TTC7A: variants seen among roughly 807,000 people sequenced by gnomAD.
TTC7A encodes the protein tetratricopeptide repeat domain 7A.
Under a neutral mutation model 103.7 loss-of-function variants are expected in TTC7A, and 110 were observed. The observed-to-expected ratio is 1.06, with a 90% confidence interval of 0.91 to 1.24. The LOEUF (loss-of-function observed/expected upper bound fraction) is 1.24, where lower values mean the gene tolerates loss of function less well. TTC7A is among the 50% of genes most tolerant of loss of function. The probability of loss-of-function intolerance (pLI) is 0.00; values close to 1 mark genes in which losing one functional copy is unlikely to be tolerated. For synonymous variants in TTC7A, 521 were observed against 467.9 expected, an observed-to-expected ratio of 1.11 and a Z score of -1.47; for missense variants, 1,340 against 1,116.3, an observed-to-expected ratio of 1.20 and a Z score of -2.86.
chr2:46,972,689 C>T (rs1246374292), intron 3 of TTC7A, among the ~76,000 whole-genome samples: 1 of 152,220 alleles, frequency 6.6e-6, no homozygotes, highest in Non-Finnish European at 1.5e-5. Flanking sequence ...AAGTGGGTGT[C>T]CCCTGCAGGC....
intron 18 of TTC7A, among the ~76,000 whole-genome samples, chr2:47,058,583 G>A (rs1335822528): frequency 2.0e-5 from 3 of 152,192 alleles, no homozygotes; most frequent in African/African-American, 7.2e-5. Flanking sequence ...CTTTTGCTAG[G>A]CAGGGTTCTT....
At position 47,061,774 on chromosome 2, in the gene TTC7A, T is replaced by G. The variant is rs559513619; in HGVS notation, c.2355+803T>G. Among the ~76,000 whole-genome samples the G allele has an allele frequency of 1.1e-4, 16 of 152,322 alleles. No homozygotes were observed. The South Asian group carries it at 3.3e-3, about 32-fold the overall frequency. On this transcript the variant is annotated intron_variant, in intron 19 of 19. Coordinates refer to ENST00000319190, the MANE Select transcript of TTC7A (RefSeq NM_020458.4). ...AGGTGATATACTAGACCCTATAGAT[T>G]ATCATTTTTTCCTGCTTTCCTTTGC...
rs1671311316 is a variant in TTC7A at position 46,950,501 on chromosome 2, G to A, written c.323G>A (p.Ser108Asn). Residue 108 changes from serine (S) to asparagine (N), a missense_variant, in exon 2 of 20, where the codon AGT (serine) becomes AAT (asparagine). By Grantham distance (46) the Ser-to-Asn change is conservative. Coordinates refer to ENST00000319190, the MANE Select transcript of TTC7A (RefSeq NM_020458.4). The part of the protein sequence containing the change: ...KMSEAKNYLS[S>N]ILNHGRLSPQ... ...AGCGAAGCCAAAAATTATCTAAGCA[G>A]TATCCTTAACCATGGGAGGCTCTCG... The A allele has an allele frequency of 5.0e-6, 8 of 1,614,166 alleles. No homozygotes were observed. Among genetic ancestry groups the A allele is most frequent in the Non-Finnish European group, 6.8e-6 (8 of 1,180,032 alleles).
At chr2:46,944,374 G>GTTTTTTTGTTTTTT (rs1670735530) in intron 1 of TTC7A, among the ~76,000 whole-genome samples, 1 of 88,944 alleles carries the variant, frequency 1.1e-5, no homozygotes, top group African/African-American at 4.5e-5. Flanking sequence ...GGTATTTTGG[G>GTTTTTTTGTTTTTT]TTTTTTTTTT....
intron 18 of TTC7A, among the ~76,000 whole-genome samples, chr2:47,059,323 T>A (rs551363886): frequency 6.6e-6 from 1 of 152,138 alleles, no homozygotes; most frequent in South Asian, 2.1e-4. Flanking sequence ...CCCAGCCACC[T>A]GCATTTTTTA....
intron 11 of TTC7A, among the ~76,000 whole-genome samples, chr2:47,013,977 C>G (rs1678349973): frequency 6.6e-6 from 1 of 152,164 alleles, no homozygotes; most frequent in Admixed American, 6.5e-5. Context: ...AAGCTTCACC[C>G]CCTGCACCTC....
At position 47,060,755 on chromosome 2, in the gene TTC7A, T is replaced by C. The variant is rs371981287; in HGVS notation, c.2153-14T>C. ...CCACCACTCACACCTCCCACTGCCC[T>C]TCTGCTTTTGCAGCTGAGCTGTTCA... On this transcript the variant is annotated splice_polypyrimidine_tract_variant and intron_variant, in intron 18 of 19. Transcript: ENST00000319190. 27 of 1,585,688 alleles carry C rather than the reference T, an allele frequency of 1.7e-5. No homozygotes were observed. The highest frequency in any genetic ancestry group is 2.7e-5 in the African/African-American group (2 of 74,552).
chr2:46,933,931 A>C (rs1008091080), intron 2 of TTC7A, among the ~76,000 whole-genome samples: 6 of 152,182 alleles, frequency 3.9e-5, no homozygotes, highest in Admixed American at 3.3e-4. Context: ...AAGAGGCCAG[A>C]GTGGAAGGTG....
rs143868218 is a variant in TTC7A at position 47,016,920 on chromosome 2, C to T, written c.1393-4942C>T. Among the ~76,000 whole-genome samples, 26 of 152,142 alleles carry T rather than the reference C, an allele frequency of 1.7e-4. No individual in the cohort carries two copies. The East Asian group carries it at 3.1e-3, about 18-fold the overall frequency. ...AACTCTTAAAAAAAAAATTTGAGGC[C>T]GGGCAAGGTGGCTCACACCTGTAAT... is the stretch of plus-strand genomic sequence containing the variant. On this transcript the variant is annotated intron_variant, in intron 11 of 19. Transcript: ENST00000319190.
chr2:47,063,613 G>A lies in TTC7A; in HGVS notation c.2355+2642G>A, dbSNP rs918303844. Among the ~76,000 whole-genome samples, 3 of 152,234 alleles carry A rather than the reference G, an allele frequency of 2.0e-5. No individual in the cohort carries two copies. The East Asian group carries it at 5.8e-4, about 29-fold the overall frequency. Reference sequence around the variant, plus strand: ...CAGCCTTAGATAATTACCAAGAGAGGAATGTGGAAGGTATCCCTGCTGTGG... The same window carrying A: ...CAGCCTTAGATAATTACCAAGAGAGAAATGTGGAAGGTATCCCTGCTGTGG... On this transcript the variant is annotated intron_variant, in intron 19 of 19. Coordinates refer to ENST00000319190, the MANE Select transcript of TTC7A (RefSeq NM_020458.4).
rs1201651576 is a variant in TTC7A, at chr2:47,060,505, A to G, written c.2153-264A>G. Reference sequence around the variant, plus strand: ...CAAACAAACAAAAAATGCTTGTTCTACAGGGTTTTTGTGAGCATTAACTGG... The same window carrying G: ...CAAACAAACAAAAAATGCTTGTTCTGCAGGGTTTTTGTGAGCATTAACTGG... On this transcript the variant is annotated intron_variant, in intron 18 of 19. Coordinates refer to ENST00000319190, the MANE Select transcript of TTC7A (RefSeq NM_020458.4). Among the ~76,000 whole-genome samples the G allele has an allele frequency of 2.6e-5, 4 of 152,352 alleles. No individual in the cohort carries two copies. The South Asian group carries it at 6.2e-4, about 24-fold the overall frequency.
intron 2 of TTC7A, chr2:46,951,859 C>T (rs1394775275): frequency 5.7e-6 from 2 of 347,894 alleles, no homozygotes; most frequent in African/African-American, 2.2e-5. Flanking sequence ...TTGCAGGTCT[C>T]TTGGGAAGAT....
chr2:47,037,245 T>G (rs2104641698), intron 15 of TTC7A, among the ~76,000 whole-genome samples: 1 of 152,326 alleles, frequency 6.6e-6, no homozygotes, highest in South Asian at 2.1e-4. Context: ...GGAAGTACCT[T>G]TGGAGCAGAG....
intron 11 of TTC7A, among the ~76,000 whole-genome samples, chr2:47,019,385 A>G (rs935742724): frequency 1.3e-5 from 2 of 151,698 alleles, no homozygotes; most frequent in Non-Finnish European, 2.9e-5. Context: ...AAAAAAAAAA[A>G]CACACACAAA....
intron 15 of TTC7A, among the ~76,000 whole-genome samples, chr2:47,030,899 A>G (rs1359367791): frequency 6.6e-6 from 1 of 152,198 alleles, no homozygotes; most frequent in African/African-American, 2.4e-5. Flanking sequence ...TAATCCCAGC[A>G]CTTTGGGAGG....
At chr2:47,014,852 T>C (rs1456373818) in intron 11 of TTC7A, among the ~76,000 whole-genome samples, 1 of 152,394 alleles carries the variant, frequency 6.6e-6, no homozygotes, top group East Asian at 1.9e-4. Flanking sequence ...TGGGTGGCCA[T>C]GTGCCCAGAG....
chr2:47,057,142 A>AG lies in TTC7A; in HGVS notation c.2153-3624dup, dbSNP rs530153290. Among the ~76,000 whole-genome samples the AG allele has an allele frequency of 4.0e-3, 610 of 152,352 alleles. 6 individuals carry two copies. Among genetic ancestry groups the AG allele is most frequent in the African/African-American group, 0.014 (580 of 41,582 alleles). On this transcript the variant is annotated intron_variant, in intron 18 of 19. Coordinates refer to ENST00000319190, the MANE Select transcript of TTC7A (RefSeq NM_020458.4). ...GAGCAGGAGCCGAAGGCATCTGCTCAGGGACACTGAGACTAGCAAGGGGCA... is the reference window on the plus strand; with the variant it reads ...GAGCAGGAGCCGAAGGCATCTGCTCAGGGGACACTGAGACTAGCAAGGGGCA...
At chr2:47,055,075 C>T (rs1033757088) in intron 18 of TTC7A, among the ~76,000 whole-genome samples, 1 of 152,070 alleles carries the variant, frequency 6.6e-6, no homozygotes, top group African/African-American at 2.4e-5. Context: ...CTGCCAGGAC[C>T]AGATCACCAG....
intron 19 of TTC7A, among the ~76,000 whole-genome samples, chr2:47,066,315 C>A (rs968199307): frequency 6.6e-6 from 1 of 152,134 alleles, no homozygotes. Context: ...TCATCCCTCA[C>A]CCCAGGCTGT....
Sources: gnomAD v4.1 joint callset for allele counts (sites outside exome capture counted in the v4.1 genomes callset) on GRCh38, gnomAD v4.1.1 for gene constraint, MANE v1.5 for transcripts, NCBI Gene and HGNC (gene_info 2026-07-23, HGNC 2026-07-21) for gene names.